RAD51: variants seen among roughly 807,000 people sequenced by gnomAD.
The protein encoded by RAD51 is DNA repair protein RAD51 homolog 1.
RAD51 carries 14 observed loss-of-function variants against 41.5 expected under a neutral mutation model. The observed-to-expected ratio is 0.34, with a 90% confidence interval of 0.22 to 0.53. RAD51 has a LOEUF of 0.53. RAD51 is among the 20% of genes least tolerant of loss of function. The pLI, the probability that RAD51 is intolerant of heterozygous loss-of-function variation, is 0.95. For missense variants in RAD51, 234 were observed against 422.0 expected, an observed-to-expected ratio of 0.55 and a Z score of 3.90; for synonymous variants, 136 against 148.6, an observed-to-expected ratio of 0.92 and a Z score of 0.62.
At chr15:40,726,242 AT>A (rs34696783) in intron 6 of RAD51, among the ~76,000 whole-genome samples, 72,807 of 124,246 alleles carry the variant, frequency 0.59, 19,584 homozygotes, top group East Asian at 0.86. Context: ...AGGCCCAGGA[AT>A]TTTTTTTTTT....
intron 6 of RAD51, among the ~76,000 whole-genome samples, chr15:40,726,857 G>A (rs1435570486): frequency 6.6e-6 from 1 of 150,678 alleles, no homozygotes. Context: ...AACTTGCAAT[G>A]AGCCGAGATC....
At chr15:40,726,316 A>G (rs1042945969) in intron 6 of RAD51, among the ~76,000 whole-genome samples, 10 of 144,828 alleles carry the variant, frequency 6.9e-5, no homozygotes, top group Admixed American at 5.0e-4. Flanking sequence ...CAGTGGCGTG[A>G]TATTGGCTCA....
At chr15:40,699,747 T>C (rs1003363999) in intron 2 of RAD51, among the ~76,000 whole-genome samples, 1 of 152,222 alleles carries the variant, frequency 6.6e-6, no homozygotes, top group Non-Finnish European at 1.5e-5. Context: ...GGTGGTGTTA[T>C]GGTATAAGAG....
rs145405071 is a variant in RAD51 at position 40,705,665 on chromosome 15, C to T, written c.226-512C>T. ...TGTCCCCCAGGCTGGAGTACAGTGG[C>T]GCGATCTCGGCTCACTGCAAGCTCC... On this transcript the variant is annotated intron_variant, in intron 3 of 9. Coordinates refer to ENST00000267868, the MANE Select transcript of RAD51 (RefSeq NM_002875.5). Among the ~76,000 whole-genome samples the T allele has an allele frequency of 4.3e-3, 661 of 152,174 alleles. 4 individuals are homozygous for T. The highest frequency in any genetic ancestry group is 0.026 in the East Asian group (133 of 5,174).
rs1220964603 is a variant in RAD51 at position 40,724,923 on chromosome 15, C to T, written c.531-3788C>T. 3.5e-4 allele frequency among the ~76,000 whole-genome samples: 41 copies of T among 116,798 alleles called. 1 individual carries two copies. Among genetic ancestry groups the T allele is most frequent in the East Asian group, 1.9e-3 (8 of 4,158 alleles). The allele number at this position is 116,798 out of a possible 152,430, so 76.6% of individuals were successfully genotyped here. On this transcript the variant is annotated intron_variant, in intron 6 of 9. Transcript: ENST00000267868. ...TTTTTTTTTTTTTGAGACAGAGTCT[C>T]GCTCTGTCGCCCAGGCCGGACTGCG...
intron 6 of RAD51, among the ~76,000 whole-genome samples, chr15:40,723,442 A>G (rs1049729925): frequency 2.0e-5 from 3 of 152,226 alleles, no homozygotes; most frequent in Non-Finnish European, 4.4e-5. Flanking sequence ...CAGCTGGTAA[A>G]TGAATAAACA....
intron 6 of RAD51, among the ~76,000 whole-genome samples, chr15:40,727,473 A>G (rs7164574): frequency 0.036 from 5,441 of 150,810 alleles, 320 homozygotes; most frequent in African/African-American, 0.13. Context: ...CCTGCAACCA[A>G]CCCGGCTACA....
rs571793584 is a variant in RAD51 at position 40,720,341 on chromosome 15, CA to C, written c.530+1446del. On this transcript the variant is annotated intron_variant, in intron 6 of 9. Transcript: ENST00000267868. The stretch of plus-strand genomic sequence containing the variant: ...AAGTGATCTGCCTGCCTTGGCCTCC[CA>C]AAAGTGCTGGGATTACAGGTGTGAG... 3.7e-3 allele frequency among the ~76,000 whole-genome samples: 559 copies of C among 152,042 alleles called. 4 individuals are homozygous for C. Among genetic ancestry groups the C allele is most frequent in the African/African-American group, 0.013 (527 of 41,486 alleles).
In RAD51 at chr15:40,706,183, G is replaced by A; in HGVS notation, c.232G>A (p.Ala78Thr). Residue 78 changes from alanine (A) to threonine (T), a missense_variant, in exon 4 of 10, where the codon GCA becomes ACA. Physicochemically the swap from Ala to Thr is moderately conservative, Grantham distance 58. Coordinates refer to ENST00000267868, the MANE Select transcript of RAD51 (RefSeq NM_002875.5). ...EAKADKILAEAAKLVPMGFTT... is the reference protein window; with the variant it reads ...EAKADKILAETAKLVPMGFTT... ...TATTTCTTATTTTTCCCAGGCTGAG[G>A]CAGCTAAATTAGTTCCAATGGGTTT... The A allele has an allele frequency of 6.2e-7, 1 of 1,612,808 alleles. No homozygotes were observed. Among genetic ancestry groups the A allele is most frequent in the Non-Finnish European group, 8.5e-7 (1 of 1,178,850 alleles).
intron 6 of RAD51, among the ~76,000 whole-genome samples, chr15:40,724,674 C>CTTTTTTTTT (rs869156620): frequency 2.1e-5 from 2 of 94,354 alleles, no homozygotes; most frequent in Non-Finnish European, 3.8e-5. Context: ...TTTTTTATTT[C>CTTTTTTTTT]TTTTTTTTTT....
At chr15:40,699,758 A>G (rs756498170) in intron 2 of RAD51, among the ~76,000 whole-genome samples, 21 of 152,198 alleles carry the variant, frequency 1.4e-4, no homozygotes, top group Non-Finnish European at 2.6e-4. Context: ...GGTATAAGAG[A>G]CAAGCTCCAA....
At chr15:40,712,284 C>T (rs1027398934) in intron 5 of RAD51, among the ~76,000 whole-genome samples, 1 of 151,984 alleles carries the variant, frequency 6.6e-6, no homozygotes, top group African/African-American at 2.4e-5. Context: ...CTTAGTAAAC[C>T]TAAAAAGTGT....
intron 3 of RAD51, among the ~76,000 whole-genome samples, chr15:40,702,258 G>C (rs1038126104): frequency 6.6e-6 from 1 of 152,046 alleles, no homozygotes; most frequent in Non-Finnish European, 1.5e-5. Flanking sequence ...AGCCAGTAGG[G>C]GTCCCTAAAG....
chr15:40,697,574 CT>C (rs11340353), intron 1 of RAD51, among the ~76,000 whole-genome samples: 259 of 105,500 alleles, frequency 2.5e-3, no homozygotes, highest in African/African-American at 5.3e-3. Flanking sequence ...GATGATATTT[CT>C]TTTTTTTTTT....
In RAD51 at chr15:40,728,838, A is replaced by G. The variant is rs997023662; in HGVS notation, c.644+14A>G. ...GGTAGAATCTAGGTATGTGTTCAGT[A>G]TAAGACACCAAATATGTTCTTAAGA... On this transcript the variant is annotated intron_variant, in intron 7 of 9. Transcript: ENST00000267868. 2.5e-6 allele frequency: 4 copies of G among 1,584,580 alleles called. No homozygotes were observed. Among genetic ancestry groups the G allele is most frequent in the African/African-American group, 1.3e-5 (1 of 74,352 alleles).
intron 5 of RAD51, among the ~76,000 whole-genome samples, chr15:40,712,870 TTCTTTTC>T (rs1419400529): frequency 8.6e-6 from 1 of 115,828 alleles, no homozygotes; most frequent in African/African-American, 3.4e-5. Context: ...TTTTTTTCTT[TTCTTTTC>T]TTTTTTTTTT....
At chr15:40,713,175 C>T (rs1246564727) in intron 5 of RAD51, among the ~76,000 whole-genome samples, 1 of 151,152 alleles carries the variant, frequency 6.6e-6, no homozygotes, top group African/African-American at 2.4e-5. Context: ...AGCCACCGTG[C>T]CTGGCCCAAG....
At chr15:40,698,455 G>A (rs576556967) in intron 1 of RAD51, among the ~76,000 whole-genome samples, 20 of 152,178 alleles carry the variant, frequency 1.3e-4, no homozygotes, top group African/African-American at 3.6e-4. Flanking sequence ...CAAAGTGCTG[G>A]GATCACAGGC....
rs555527761 is a variant in RAD51, at chr15:40,719,515, A to T, written c.530+616A>T. ...ATAAGAGACACTGCGTGGCTATACTAATATCAGACAAAGTACACTTTAAGG... is the reference window on the plus strand; with the variant it reads ...ATAAGAGACACTGCGTGGCTATACTTATATCAGACAAAGTACACTTTAAGG... On this transcript the variant is annotated intron_variant, in intron 6 of 9. Transcript: ENST00000267868. Among the ~76,000 whole-genome samples the T allele has an allele frequency of 3.3e-5, 5 of 152,334 alleles. No homozygotes were observed. In the East Asian group the frequency reaches 9.6e-4, roughly 29 times the overall value.
Sources: gnomAD v4.1 joint callset for allele counts (sites outside exome capture counted in the v4.1 genomes callset) on GRCh38, gnomAD v4.1.1 for gene constraint, MANE v1.5 for transcripts, NCBI Gene and HGNC (gene_info 2026-07-23, HGNC 2026-07-21) for gene names.